SAMD4A: variants seen among roughly 807,000 people sequenced by gnomAD.
SAMD4A encodes protein Smaug homolog 1.
A neutral mutation model predicts 81.3 loss-of-function variants in SAMD4A; 33 were observed. The observed-to-expected ratio is 0.41, with a 90% CI of 0.31 to 0.54. The LOEUF (loss-of-function observed/expected upper bound fraction) is 0.54, where lower values mean the gene tolerates loss of function less well. SAMD4A is among the 20% of genes least tolerant of loss of function. The pLI, the probability that SAMD4A is intolerant of heterozygous loss-of-function variation, is 0.37. For missense variants in SAMD4A, 854 were observed against 951.1 expected (o/e 0.90, Z 1.34); for synonymous variants, 389 against 382.1 (o/e 1.02, Z -0.21).
intron 10 of SAMD4A, among the ~76,000 whole-genome samples, 158 bp from the exon 11 acceptor site, chr14:54,776,252 CCTCT>C (rs1201599055): frequency 6.6e-6 from 1 of 152,092 alleles, no homozygotes; most frequent in African/African-American, 2.4e-5. Flanking sequence ...GAATCTAAAC[CCTCT>C]CTCTATAAAT....
chr14:54,785,792 T>G (rs1762433975), intron 12 of SAMD4A, among the ~76,000 whole-genome samples: 1 of 152,188 alleles, frequency 6.6e-6, no homozygotes, highest in Non-Finnish European at 1.5e-5. Context: ...AGCAGAGTGG[T>G]GGGCCCGGGA....
chr14:54,633,849 C>T (rs1221469070), intron 2 of SAMD4A, among the ~76,000 whole-genome samples: 1 of 152,042 alleles, frequency 6.6e-6, no homozygotes, highest in Non-Finnish European at 1.5e-5. Context: ...TGCTTGGTAC[C>T]TGCTAAACAA....
At chr14:54,762,329 T>A (rs1199746117) in intron 7 of SAMD4A, among the ~76,000 whole-genome samples, 1 of 152,242 alleles carries the variant, frequency 6.6e-6, no homozygotes, top group South Asian at 2.1e-4. Flanking sequence ...TCTCTGTTAT[T>A]GTCCAATATT....
At chr14:54,785,729 A>G (rs1240829039) in intron 12 of SAMD4A, among the ~76,000 whole-genome samples, 1 of 152,244 alleles carries the variant, frequency 6.6e-6, no homozygotes, top group Non-Finnish European at 1.5e-5. Flanking sequence ...TAGTCTCTGC[A>G]AACACAATCT....
At position 54,702,202 on chromosome 14, in the gene SAMD4A, A is replaced by C. The variant is rs1345214310; in HGVS notation, c.337A>C (p.Ile113Leu). 6.2e-7 allele frequency: 1 copy of C among 1,614,176 alleles called. No individual in the cohort carries two copies. Among genetic ancestry groups the C allele is most frequent in the East Asian group, 2.2e-5 (1 of 44,882 alleles). ...KLLPKILAHS[I>L]EHNQHIEESR... Reference sequence around the variant, plus strand: ...GCTGCCCAAAATCCTGGCTCACTCTATTGAACACAACCAGCACATTGAGGA... The same window carrying C: ...GCTGCCCAAAATCCTGGCTCACTCTCTTGAACACAACCAGCACATTGAGGA... Residue 113 changes from isoleucine to leucine, a missense_variant, in exon 3 of 13, where the codon ATT (isoleucine) becomes CTT (leucine). This residue lies in a region of SAMD4A where 387 missense variants were observed against 405.8 expected (regional missense o/e 0.95). Coordinates refer to ENST00000554335, the MANE Select transcript of SAMD4A (RefSeq NM_015589.6).
At chr14:54,676,361 C>CTTTTCTTT (rs2035994234) in intron 2 of SAMD4A, among the ~76,000 whole-genome samples, 1 of 152,070 alleles carries the variant, frequency 6.6e-6, no homozygotes, top group African/African-American at 2.4e-5. Flanking sequence ...TAGTACTTTC[C>CTTTTCTTT]TTTCTTTTCT....
intron 2 of SAMD4A, among the ~76,000 whole-genome samples, chr14:54,603,745 G>C (rs1355423222): frequency 6.8e-6 from 1 of 147,030 alleles, no homozygotes; most frequent in Non-Finnish European, 1.5e-5. Flanking sequence ...ATCCTAGAAG[G>C]CCTTTTCTTT....
At chr14:54,733,561 A>G (rs746795072) in intron 3 of SAMD4A, among the ~76,000 whole-genome samples, 24 of 152,216 alleles carry the variant, frequency 1.6e-4, no homozygotes, top group Admixed American at 1.2e-3. Flanking sequence ...CAAATGCAGT[A>G]TAAATTGAGG....
intron 2 of SAMD4A, chr14:54,685,876 C>T (rs1196293897): frequency 4.4e-6 from 2 of 456,498 alleles, no homozygotes; most frequent in African/African-American, 2.0e-5. Context: ...CTTCAGTTTC[C>T]TGAGGAAGAA....
intron 2 of SAMD4A, among the ~76,000 whole-genome samples, chr14:54,643,948 G>C (rs1019700864): frequency 6.6e-6 from 1 of 152,172 alleles, no homozygotes; most frequent in Non-Finnish European, 1.5e-5. Context: ...GCTTCACACT[G>C]GGCGGGGAAG....
At chr14:54,648,731 T>G (rs2035338513) in intron 2 of SAMD4A, among the ~76,000 whole-genome samples, 1 of 151,920 alleles carries the variant, frequency 6.6e-6, no homozygotes, top group Non-Finnish European at 1.5e-5. Context: ...GTGTAAAACT[T>G]TGGGTTATGT....
At chr14:54,772,478 A>T (rs759547582) in intron 9 of SAMD4A, among the ~76,000 whole-genome samples, 1 of 152,146 alleles carries the variant, frequency 6.6e-6, no homozygotes, top group Non-Finnish European at 1.5e-5. Flanking sequence ...TTCTCCCCTC[A>T]TCACGTCCTA....
rs1254436075 is a variant in SAMD4A at position 54,567,886 on chromosome 14, G to A, written c.-31G>A. The A allele has an allele frequency of 6.3e-7, 1 of 1,590,586 alleles. No individual in the cohort carries two copies. Among genetic ancestry groups the A allele is most frequent in the Non-Finnish European group, 8.5e-7 (1 of 1,174,640 alleles). ...GCGGGGCGGGCTGGGGCGCCCAGGG[G>A]GCTCTGTAGACCGAGGGCGGCCCCC... is the stretch of plus-strand genomic sequence containing the variant. On this transcript the variant is annotated 5_prime_UTR_variant, in exon 2 of 13. Coordinates refer to ENST00000554335, the MANE Select transcript of SAMD4A (RefSeq NM_015589.6).
intron 2 of SAMD4A, among the ~76,000 whole-genome samples, chr14:54,595,412 T>A (rs1324326282): frequency 6.7e-6 from 1 of 148,436 alleles, no homozygotes; most frequent in African/African-American, 2.4e-5. Context: ...TGTATACATG[T>A]GTTTATTTAT....
intron 2 of SAMD4A, among the ~76,000 whole-genome samples, chr14:54,671,205 G>C (rs1237161962): frequency 3.3e-5 from 5 of 152,224 alleles, no homozygotes. Flanking sequence ...ATTTTAGCTG[G>C]AGTTGGGACA....
intron 2 of SAMD4A, among the ~76,000 whole-genome samples, chr14:54,660,462 A>C (rs988449486): frequency 6.6e-6 from 1 of 152,210 alleles, no homozygotes; most frequent in Non-Finnish European, 1.5e-5. Flanking sequence ...GTTTCCCCTA[A>C]TACTGATGGG....
At chr14:54,736,705 G>A (rs554949925) in intron 3 of SAMD4A, among the ~76,000 whole-genome samples, 12 of 152,236 alleles carry the variant, frequency 7.9e-5, no homozygotes, top group Admixed American at 2.0e-4. Context: ...CCTGATTTAC[G>A]GACCCCGTCC....
chr14:54,684,952 A>T (rs1350559530), intron 2 of SAMD4A, among the ~76,000 whole-genome samples: 1 of 152,246 alleles, frequency 6.6e-6, no homozygotes. Flanking sequence ...CATTAAGTGT[A>T]GCCAGAGGAG....
At chr14:54,766,969 C>T (rs2038561973) in intron 8 of SAMD4A, among the ~76,000 whole-genome samples, 1 of 152,150 alleles carries the variant, frequency 6.6e-6, no homozygotes, top group Admixed American at 6.5e-5. Flanking sequence ...CTCCGTGCAG[C>T]CCCAGGTGAT....
Sources: allele counts gnomAD v4.1 joint callset (sites outside exome capture counted in the v4.1 genomes callset), GRCh38; gene constraint gnomAD v4.1.1; regional missense constraint gnomAD v4.1.1; transcripts MANE v1.5; gene names NCBI Gene and HGNC (gene_info 2026-07-23, HGNC 2026-07-21).